Variants in SNTG1 observed in about 807,000 individuals in gnomAD.
SNTG1 encodes syntrophin gamma 1.
In SNTG1, 39 loss-of-function variants were observed where a neutral mutation model predicts 74.7. The ratio of observed to expected loss-of-function variants is 0.52; its 90% CI spans 0.40 to 0.68. The LOEUF (loss-of-function observed/expected upper bound fraction) is 0.68, where lower values mean the gene tolerates loss of function less well. Ranked by LOEUF, SNTG1 falls within the 30% of genes least tolerant of loss-of-function variation. The probability of loss-of-function intolerance (pLI) is 0.00; values close to 1 mark genes in which losing one functional copy is unlikely to be tolerated. For missense variants in SNTG1, 685 were observed against 609.5 expected (o/e 1.12, Z -1.30); for synonymous variants, 254 against 217.1 (o/e 1.17, Z -1.49).
chr8:50,449,858 G>C, intron 6 of SNTG1, 133 bp downstream of exon 6: 6 of 703,214 alleles, frequency 8.5e-6, no homozygotes, highest in Non-Finnish European at 1.3e-5. Flanking sequence ...GGCATTAGTG[G>C]CTGAGTCTGC....
chr8:49,969,222 T>C (rs1811417308), intron 1 of SNTG1, among the ~76,000 whole-genome samples: 2 of 151,972 alleles, frequency 1.3e-5, no homozygotes, highest in Admixed American at 6.6e-5. Context: ...ACTTTTTAAA[T>C]TTTTTTCTTT....
chr8:50,627,815 G>A (rs1169909583), intron 13 of SNTG1, among the ~76,000 whole-genome samples: 1 of 152,198 alleles, frequency 6.6e-6, no homozygotes, highest in Non-Finnish European at 1.5e-5. Context: ...TCTCCTTCAG[G>A]AACATGGGGT....
At chr8:50,133,916 A>G (rs1187673607) in intron 1 of SNTG1, among the ~76,000 whole-genome samples, 3 of 152,194 alleles carry the variant, frequency 2.0e-5, no homozygotes, top group Admixed American at 2.0e-4. Flanking sequence ...AGAAACTTCA[A>G]TGTAATTAAC....
chr8:50,638,062 T>G (rs2095050117), intron 13 of SNTG1, among the ~76,000 whole-genome samples: 1 of 152,054 alleles, frequency 6.6e-6, no homozygotes. Context: ...ATATGTTACC[T>G]TATGTGGAAA....
intron 15 of SNTG1, among the ~76,000 whole-genome samples, chr8:50,697,883 T>C (rs768907275): frequency 6.6e-6 from 1 of 152,156 alleles, no homozygotes. Flanking sequence ...GGGATATAGG[T>C]CTGTAGTTTT....
intron 2 of SNTG1, among the ~76,000 whole-genome samples, chr8:50,227,758 AG>A (rs1315824224): frequency 6.6e-6 from 1 of 150,554 alleles, no homozygotes; most frequent in Non-Finnish European, 1.5e-5. Flanking sequence ...GAAAAAAAAA[AG>A]GAAACTATGA....
At chr8:50,060,160 A>G (rs1176953448) in intron 1 of SNTG1, among the ~76,000 whole-genome samples, 1 of 152,102 alleles carries the variant, frequency 6.6e-6, no homozygotes, top group Non-Finnish European at 1.5e-5. Flanking sequence ...CTTTGGAGAC[A>G]TATCTATTCA....
chr8:50,329,905 T>A (rs2090897755), intron 2 of SNTG1, among the ~76,000 whole-genome samples: 1 of 152,172 alleles, frequency 6.6e-6, no homozygotes, highest in Non-Finnish European at 1.5e-5. Context: ...TCAGATCATC[T>A]CTTTCCAGTA....
intron 1 of SNTG1, among the ~76,000 whole-genome samples, chr8:49,995,499 A>G (rs1814119915): frequency 1.3e-5 from 2 of 152,200 alleles, no homozygotes; most frequent in Admixed American, 6.5e-5. Flanking sequence ...CCACAAGACA[A>G]TGGTAGCACT....
At chr8:50,510,778 G>T (rs1383096959) in intron 9 of SNTG1, among the ~76,000 whole-genome samples, 5 of 151,746 alleles carry the variant, frequency 3.3e-5, no homozygotes, top group African/African-American at 4.8e-5. Flanking sequence ...TTATCATTTT[G>T]TATTGCATCT....
chr8:50,359,422 C>T (rs1337429245), intron 2 of SNTG1, among the ~76,000 whole-genome samples: 6 of 152,196 alleles, frequency 3.9e-5, no homozygotes, highest in Non-Finnish European at 7.3e-5. Flanking sequence ...AAACCGCTGG[C>T]ATTTAAGTGT....
At chr8:50,528,056 T>C (rs2094236555) in intron 9 of SNTG1, among the ~76,000 whole-genome samples, 1 of 152,000 alleles carries the variant, frequency 6.6e-6, no homozygotes, top group South Asian at 2.1e-4. Context: ...TTCTTAACGT[T>C]TTTCTATATA....
At chr8:50,502,988 A>G in intron 9 of SNTG1, 108 bp downstream of exon 9, 1 of 845,880 alleles carries the variant, frequency 1.2e-6, no homozygotes, top group Non-Finnish European at 1.8e-6. Context: ...TTTTTGCCTG[A>G]CTGTAAACAT....
At chr8:50,241,566 G>A (rs1014913597) in intron 2 of SNTG1, among the ~76,000 whole-genome samples, 2 of 152,200 alleles carry the variant, frequency 1.3e-5, no homozygotes, top group Non-Finnish European at 2.9e-5. Flanking sequence ...TGATGTCCCA[G>A]TGGGCAGACA....
rs796738437 is a variant in SNTG1 at position 50,570,276 on chromosome 8, A to ATTTTG, written c.810+17098_810+17099insTTTGT. On this transcript the variant is annotated intron_variant, in intron 12 of 18. Transcript: ENST00000642720. ...ATTTTATTTTATTTTATTTTATTTTATAGATGGAGTCTCGCTCTGTCACCC... is the reference window on the plus strand; with the variant it reads ...ATTTTATTTTATTTTATTTTATTTTATTTTGTAGATGGAGTCTCGCTCTGTCACCC... 1.4e-3 allele frequency among the ~76,000 whole-genome samples: 56 copies of ATTTTG among 40,110 alleles called. 1 individual carries two copies. The highest frequency in any genetic ancestry group is 1.6e-3 in the African/African-American group (36 of 21,886). The allele number at this position is 40,110 out of a possible 152,430, so 26.3% of individuals were successfully genotyped here. A position where few individuals can be genotyped will look rare whatever the true frequency, so the allele number is the denominator to read the frequency against.
chr8:50,252,990 C>A (rs1269236096), intron 2 of SNTG1, among the ~76,000 whole-genome samples: 5 of 152,086 alleles, frequency 3.3e-5, no homozygotes, highest in African/African-American at 1.2e-4. Flanking sequence ...CACCCTCAAT[C>A]CAAGTAGAAT....
intron 2 of SNTG1, among the ~76,000 whole-genome samples, chr8:50,269,957 C>A (rs1420187026): frequency 6.6e-6 from 1 of 152,116 alleles, no homozygotes; most frequent in African/African-American, 2.4e-5. Flanking sequence ...AAGATTTTTT[C>A]TTCTTTCTCC....
chr8:50,189,655 T>G (rs560877323), intron 2 of SNTG1, among the ~76,000 whole-genome samples: 1 of 152,194 alleles, frequency 6.6e-6, no homozygotes, highest in Non-Finnish European at 1.5e-5. Flanking sequence ...GTACCAAGTC[T>G]GCTGTAAGAC....
At position 50,503,736 on chromosome 8, in the gene SNTG1, A is replaced by G. The variant is rs948369616; in HGVS notation, c.466+856A>G. ...TATATTGCTGTTTATTTTGCTGTTTATTATTCCATTGTATGAATGTACTAC... is the reference window on the plus strand; with the variant it reads ...TATATTGCTGTTTATTTTGCTGTTTGTTATTCCATTGTATGAATGTACTAC... On this transcript the variant is annotated intron_variant, in intron 9 of 18. Coordinates refer to ENST00000642720, the MANE Select transcript of SNTG1 (RefSeq NM_018967.5). 4.6e-5 allele frequency among the ~76,000 whole-genome samples: 7 copies of G among 152,144 alleles called. No homozygotes were observed. The South Asian group carries it at 1.4e-3, about 31-fold the overall frequency.
Sources: gnomAD v4.1 joint callset for allele counts (sites outside exome capture counted in the v4.1 genomes callset) on GRCh38, gnomAD v4.1.1 for gene constraint, MANE v1.5 for transcripts, NCBI Gene and HGNC (gene_info 2026-07-23, HGNC 2026-07-21) for gene names.